Variants in ARB2A observed in about 807,000 individuals in gnomAD.
ARB2A encodes ARB2 cotranscriptional regulator A.
the ARB2A span, among the ~76,000 whole-genome samples, chr5:93,914,902 C>T: frequency 6.6e-6 from 1 of 151,752 alleles, no homozygotes; most frequent in African/African-American, 2.4e-5. Context: ...TCATCATTAC[C>T]GAACATTGAG....
chr5:93,676,774 C>G, the ARB2A span, among the ~76,000 whole-genome samples: 1 of 152,158 alleles, frequency 6.6e-6, no homozygotes, highest in African/African-American at 2.4e-5. Flanking sequence ...TTTCCAAGAA[C>G]AAACTTTAAG....
At chr5:93,907,248 C>A in the ARB2A span, among the ~76,000 whole-genome samples, 1 of 151,422 alleles carries the variant, frequency 6.6e-6, no homozygotes, top group Non-Finnish European at 1.5e-5. Context: ...AATTTTGTTT[C>A]TGTAACTCAT....
the ARB2A span, chr5:93,740,388 C>G: frequency 7.1e-5 from 41 of 575,518 alleles, no homozygotes; most frequent in Non-Finnish European, 1.1e-4. Flanking sequence ...CTGCAATAAA[C>G]TTCATCTTCT....
the ARB2A span, among the ~76,000 whole-genome samples, chr5:94,016,408 C>T: frequency 2.0e-5 from 3 of 152,158 alleles, no homozygotes; most frequent in East Asian, 1.9e-4. Flanking sequence ...AATTTAGGAA[C>T]CACAATTTAC....
the ARB2A span, among the ~76,000 whole-genome samples, chr5:94,081,664 A>G: frequency 5.3e-4 from 81 of 152,304 alleles, no homozygotes; most frequent in African/African-American, 1.7e-3. Context: ...TAGAAATAGG[A>G]AGTTGACTAA....
At chr5:93,956,812 A>G in the ARB2A span, among the ~76,000 whole-genome samples, 1 of 152,184 alleles carries the variant, frequency 6.6e-6, no homozygotes, top group Admixed American at 6.5e-5. Context: ...TGAAGAAAAC[A>G]CTATGAAAAG....
the ARB2A span, among the ~76,000 whole-genome samples, chr5:94,018,545 G>A: frequency 6.6e-6 from 1 of 152,184 alleles, no homozygotes; most frequent in Non-Finnish European, 1.5e-5. Flanking sequence ...ACATACTTTG[G>A]GCAGTATGGC....
At chr5:93,986,028 C>T in the ARB2A span, among the ~76,000 whole-genome samples, 1 of 149,654 alleles carries the variant, frequency 6.7e-6, no homozygotes, top group East Asian at 2.0e-4. Flanking sequence ...AGCGCCTCTG[C>T]CTGGCCACCC....
chr5:94,066,485 A>T, the ARB2A span, among the ~76,000 whole-genome samples: 1 of 151,532 alleles, frequency 6.6e-6, no homozygotes, highest in Non-Finnish European at 1.5e-5. Context: ...CAGGAGACCC[A>T]GATAAAATCA....
At chr5:93,769,993 A>G in the ARB2A span, among the ~76,000 whole-genome samples, 1,931 of 152,324 alleles carry the variant, frequency 0.013, 37 homozygotes, top group African/African-American at 0.045. Context: ...ATGATAAAGT[A>G]ATTTAATATC....
chr5:93,809,471 C>T, the ARB2A span, among the ~76,000 whole-genome samples: 1 of 152,016 alleles, frequency 6.6e-6, no homozygotes, highest in Admixed American at 6.6e-5. Context: ...GTGCTTTCTA[C>T]ATTGGTAAGA....
the ARB2A span, among the ~76,000 whole-genome samples, chr5:93,940,521 G>A: frequency 6.6e-6 from 1 of 151,694 alleles, no homozygotes. Context: ...AATATGTATT[G>A]AAATAGGCAA....
chr5:94,016,668 A>ACC, the ARB2A span, among the ~76,000 whole-genome samples: 1 of 152,228 alleles, frequency 6.6e-6, no homozygotes, highest in Non-Finnish European at 1.5e-5. Flanking sequence ...TGAGAAATGC[A>ACC]ATTAAGGGAG....
the ARB2A span, among the ~76,000 whole-genome samples, chr5:93,628,518 G>A: frequency 6.6e-6 from 1 of 152,174 alleles, no homozygotes; most frequent in South Asian, 2.1e-4. Context: ...GTCCTAGATG[G>A]CATCTTCTTC....
the ARB2A span, among the ~76,000 whole-genome samples, chr5:94,027,984 C>CT: frequency 6.6e-6 from 1 of 152,200 alleles, no homozygotes; most frequent in African/African-American, 2.4e-5. Flanking sequence ...ATTTGCAAAA[C>CT]TGATTGCTTG....
the ARB2A span, among the ~76,000 whole-genome samples, chr5:93,713,888 T>A: frequency 3.3e-5 from 5 of 152,294 alleles, no homozygotes; most frequent in South Asian, 1.0e-3. Context: ...AACTACTCCC[T>A]TTAAAATAGC....
chr5:93,872,109 C>T, the ARB2A span, among the ~76,000 whole-genome samples: 1 of 151,776 alleles, frequency 6.6e-6, no homozygotes, highest in African/African-American at 2.4e-5. Context: ...CCACCATGCC[C>T]GGCTATTTTT....
At chr5:93,891,184 A>T in the ARB2A span, among the ~76,000 whole-genome samples, 1 of 152,124 alleles carries the variant, frequency 6.6e-6, no homozygotes, top group Admixed American at 6.6e-5. Context: ...TTAACTTCAC[A>T]TATCTTGCTG....
At chr5:93,922,696 A>G in the ARB2A span, among the ~76,000 whole-genome samples, 100 of 140,668 alleles carry the variant, frequency 7.1e-4, no homozygotes, top group African/African-American at 2.6e-3. Context: ...GGGAGGGAGG[A>G]AGGAAAGAAA....
Sources: gnomAD v4.1 joint callset for allele counts (sites outside exome capture counted in the v4.1 genomes callset) on GRCh38, gnomAD v4.1.1 for gene constraint, MANE v1.5 for transcripts, NCBI Gene and HGNC (gene_info 2026-07-23, HGNC 2026-07-21) for gene names.